The following TDP1 variants were observed in gnomAD, a reference collection of about 807,000 sequenced individuals.
TDP1 encodes tyr-DNA phosphodiesterase 1.
In TDP1, 64 loss-of-function variants were observed where a neutral mutation model predicts 81.5. That is an observed-to-expected ratio of 0.79 (90% confidence interval 0.64 to 0.97). The LOEUF (loss-of-function observed/expected upper bound fraction) is 0.97. Among genes scored for constraint, TDP1 ranks in the 50% least tolerant of loss-of-function variants. TDP1 has a pLI of 0.00. For synonymous variants in TDP1, 256 were observed against 264.3 expected (o/e 0.97, Z 0.30); for missense variants, 723 against 743.8 (o/e 0.97, Z 0.33).
intron 10 of TDP1, 146 bp from the exon 11 acceptor site, chr14:89,988,759 A>G: frequency 6.6e-7 from 1 of 1,511,294 alleles, no homozygotes; most frequent in Non-Finnish European, 8.8e-7. Context: ...AGAAGTATGT[A>G]TGTGTGGGTA....
intron 2 of TDP1, among the ~76,000 whole-genome samples, chr14:89,958,057 C>G (rs1891870442): frequency 6.6e-6 from 1 of 152,210 alleles, no homozygotes; most frequent in African/African-American, 2.4e-5. Context: ...CTGGCCCAGT[C>G]ACAGGCTCCA....
chr14:89,967,162 G>A, intron 4 of TDP1: 1 of 969,620 alleles, frequency 1.0e-6, no homozygotes, highest in Non-Finnish European at 1.2e-6. Flanking sequence ...CATGTACTTG[G>A]CTCCATTTAG....
intron 15 of TDP1, among the ~76,000 whole-genome samples, chr14:90,022,265 T>G (rs553853610): frequency 1.3e-5 from 2 of 152,330 alleles, no homozygotes; most frequent in South Asian, 4.1e-4. Flanking sequence ...GAAACCAATT[T>G]GTGCCCACAG....
chr14:90,043,265 A>G lies in TDP1; in HGVS notation c.*122A>G, dbSNP rs891961325. 8.4e-7 allele frequency: 1 copy of G among 1,194,088 alleles called. No individual in the cohort carries two copies. Among genetic ancestry groups the G allele is most frequent in the African/African-American group, 1.5e-5 (1 of 66,446 alleles). The allele number at this position is 1,194,088 out of a possible 1,614,324, so 74.0% of individuals were successfully genotyped here. On this transcript the variant is annotated 3_prime_UTR_variant, in exon 17 of 17. Coordinates refer to ENST00000335725, the MANE Select transcript of TDP1 (RefSeq NM_018319.4). ...TTTGCACCCTTACAAAATCTTTCCA[A>G]AGGTCACTCTTATGAATGGATGTTG... is the stretch of plus-strand genomic sequence containing the variant.
intron 15 of TDP1, among the ~76,000 whole-genome samples, chr14:90,022,399 G>A (rs1007593012): frequency 7.2e-5 from 11 of 152,350 alleles, no homozygotes; most frequent in African/African-American, 2.2e-4. Context: ...ACTCAGCAGC[G>A]GCCCTTCTCC....
rs1187928365 is a variant in TDP1 at position 90,044,710 on chromosome 14, T to C, written c.*1567T>C. ...CTGTAAAGGACATTATCTGGGGTGTTGTATGTATTTTTGTGTGTTCTGCTT... is the reference window on the plus strand; with the variant it reads ...CTGTAAAGGACATTATCTGGGGTGTCGTATGTATTTTTGTGTGTTCTGCTT... On this transcript the variant is annotated 3_prime_UTR_variant, in exon 17 of 17. Transcript: ENST00000335725. 3 of 152,188 alleles carry C rather than the reference T, an allele frequency of 2.0e-5. No homozygotes were observed. Among genetic ancestry groups the C allele is most frequent in the Non-Finnish European group, 4.4e-5 (3 of 68,028 alleles). The allele number at this position is 152,188 out of a possible 1,614,324, so 9.4% of individuals were successfully genotyped here. A position where few individuals can be genotyped will look rare whatever the true frequency, so the allele number is the denominator to read the frequency against.
chr14:90,020,654 C>CCCCTG (rs1199338825), intron 15 of TDP1, among the ~76,000 whole-genome samples: 2 of 120,006 alleles, frequency 1.7e-5, no homozygotes, highest in African/African-American at 3.5e-5. Context: ...CTCCCTCCCT[C>CCCCTG]CCCTGCCCTC....
At chr14:89,993,318 T>G in intron 13 of TDP1, 58 bp from the exon 14 acceptor site, 3 of 1,442,856 alleles carry the variant, frequency 2.1e-6, no homozygotes, top group Non-Finnish European at 2.9e-6. Flanking sequence ...TTTCCTAATA[T>G]TAGGATTATG....
chr14:89,966,981 T>G (rs527708841), intron 4 of TDP1: 1 of 985,194 alleles, frequency 1.0e-6, no homozygotes, highest in East Asian at 1.1e-4. Flanking sequence ...CCTGGGATCT[T>G]TGTCTCCAGT....
chr14:89,963,635 T>C lies in TDP1; in HGVS notation c.521T>C (p.Val174Ala). 6.2e-7 allele frequency: 1 copy of C among 1,613,958 alleles called. No homozygotes were observed. The highest frequency in any genetic ancestry group is 8.5e-7 in the Non-Finnish European group (1 of 1,179,952). ...TTTTACCTCACTAGAGTCTCTGGAG[T>C]TAAGCCAAAGTATAACTCTGGAGCC... is the stretch of plus-strand genomic sequence containing the variant. Reference protein sequence around the residue: ...FQFYLTRVSGVKPKYNSGALH... With the variant: ...FQFYLTRVSGAKPKYNSGALH... The change falls in exon 3 of 17, where the codon GTT becomes GCT. Residue 174 changes from valine (V) to alanine (A), a missense_variant. Transcript: ENST00000335725.
At chr14:90,033,073 G>T in intron 15 of TDP1, 33 bp from the exon 16 acceptor site, 3 of 1,405,088 alleles carry the variant, frequency 2.1e-6, no homozygotes, top group Non-Finnish European at 3.0e-6. Context: ...AGAAAATGGG[G>T]TGCAATCATA....
chr14:89,989,054 C>G lies in TDP1; in HGVS notation c.1281C>G (p.Ser427Arg). 6.2e-7 allele frequency: 1 copy of G among 1,614,100 alleles called. No homozygotes were observed. The highest frequency in any genetic ancestry group is 1.1e-5 in the South Asian group (1 of 91,084). The change falls in exon 11 of 17, where the codon AGC becomes AGG. Residue 427 changes from serine to arginine, a missense_variant. Ser to Arg is a moderately radical substitution (Grantham distance 110). Transcript: ENST00000335725. ...GCATGCTGACACTGGGGAAGGAAAG[C>G]AAGACTCCAGGAAAAAGCTCTGTTC... is the stretch of plus-strand genomic sequence containing the variant. Reference protein sequence around the residue: ...KESMLTLGKESKTPGKSSVPL... With the variant: ...KESMLTLGKERKTPGKSSVPL...
intron 8 of TDP1, chr14:89,981,509 A>G (rs1191996523): frequency 6.6e-6 from 3 of 454,050 alleles, no homozygotes; most frequent in Non-Finnish European, 1.3e-5. Context: ...TGGTTAACAA[A>G]CAGCCTTCTG....
Position 90,000,547 on chromosome 14 carries a change from G to T in TDP1, c.1541+7064G>T, listed in dbSNP as rs181500217. 3.4e-3 allele frequency among the ~76,000 whole-genome samples: 516 copies of T among 152,136 alleles called. 1 individual carries two copies. Among genetic ancestry groups the T allele is most frequent in the Non-Finnish European group, 6.3e-3 (429 of 68,008 alleles). On this transcript the variant is annotated intron_variant, in intron 14 of 16. Coordinates refer to ENST00000335725, the MANE Select transcript of TDP1 (RefSeq NM_018319.4). ...TTACAGGCATGCGCCACCAGACCACGGCTAATTTTGTATTTTTAGTAGAGA... is the reference window on the plus strand; with the variant it reads ...TTACAGGCATGCGCCACCAGACCACTGCTAATTTTGTATTTTTAGTAGAGA...
intron 15 of TDP1, chr14:90,023,129 CA>C: frequency 1.3e-6 from 1 of 743,072 alleles, no homozygotes; most frequent in South Asian, 1.4e-5. Flanking sequence ...CAATATATGA[CA>C]ACAACTAGGG....
chr14:90,009,005 A>G (rs34741326), intron 14 of TDP1, among the ~76,000 whole-genome samples: 6,816 of 152,308 alleles, frequency 0.045, 510 homozygotes, highest in African/African-American at 0.15. Flanking sequence ...TACCATGTCC[A>G]GCTCAAATCA....
intron 14 of TDP1, among the ~76,000 whole-genome samples, chr14:89,998,841 TG>T (rs950135075): frequency 3.3e-5 from 5 of 151,978 alleles, no homozygotes; most frequent in African/African-American, 1.2e-4. Flanking sequence ...AGAGCAGTAG[TG>T]GGTGGCCAGA....
rs35476780 is a variant in TDP1, at chr14:89,975,015, A to G, written c.757-766A>G. 2.3e-3 allele frequency among the ~76,000 whole-genome samples: 358 copies of G among 152,364 alleles called. 1 individual carries two copies. The highest frequency in any genetic ancestry group is 8.4e-3 in the African/African-American group (351 of 41,588). The stretch of plus-strand genomic sequence containing the variant: ...TATTTTCAGCACTTGCTATGCTAAT[A>G]TAAGAACATTTCTATTTTAATTTAA... On this transcript the variant is annotated intron_variant, in intron 6 of 16. Transcript: ENST00000335725.
intron 15 of TDP1, among the ~76,000 whole-genome samples, chr14:90,024,075 A>G (rs766845417): frequency 7.9e-5 from 12 of 152,154 alleles, no homozygotes; most frequent in Non-Finnish European, 1.3e-4. Flanking sequence ...GCTACTCCTC[A>G]GTCCACTGTG....
Sources: allele counts gnomAD v4.1 joint callset (sites outside exome capture counted in the v4.1 genomes callset), GRCh38; gene constraint gnomAD v4.1.1; transcripts MANE v1.5; gene names NCBI Gene and HGNC (gene_info 2026-07-23, HGNC 2026-07-21).